TFPI: variants seen among roughly 807,000 people sequenced by gnomAD.
TFPI encodes tissue factor pathway inhibitor.
Under a neutral mutation model 34.6 loss-of-function variants are expected in TFPI, and 15 were observed. The ratio of observed to expected loss-of-function variants is 0.43; its 90% confidence interval spans 0.29 to 0.67. The LOEUF is 0.67. Ranked by LOEUF, TFPI falls within the 30% of genes least tolerant of loss-of-function variation. The pLI, the probability that TFPI is intolerant of heterozygous loss-of-function variation, is 0.15. For missense variants in TFPI, 301 were observed against 364.0 expected, an observed-to-expected ratio of 0.83 and a Z score of 1.41; for synonymous variants, 105 against 120.1, an observed-to-expected ratio of 0.87 and a Z score of 0.82.
At chr2:187,494,079 C>G (rs1574419737) in intron 3 of TFPI, among the ~76,000 whole-genome samples, 1 of 152,012 alleles carries the variant, frequency 6.6e-6, no homozygotes. Context: ...TAGCGGCAGG[C>G]AAAGAGAGAG....
intron 1 of TFPI, among the ~76,000 whole-genome samples, chr2:187,512,545 A>G (rs1044282441): frequency 2.0e-5 from 3 of 151,736 alleles, no homozygotes; most frequent in African/African-American, 7.2e-5. Context: ...CATCTATACC[A>G]ATTCTAAGTT....
chr2:187,522,725 TA>T (rs1687456091), intron 1 of TFPI, among the ~76,000 whole-genome samples: 1 of 37,228 alleles, frequency 2.7e-5, no homozygotes, highest in Non-Finnish European at 5.4e-5. Flanking sequence ...CTACTAAAAA[TA>T]CAAAAAAAAA....
chr2:187,493,282 A>G (rs1333016365), intron 3 of TFPI, among the ~76,000 whole-genome samples: 1 of 152,124 alleles, frequency 6.6e-6, no homozygotes, highest in Non-Finnish European at 1.5e-5. Context: ...CTCTGGCCCT[A>G]GCTCTACGTT....
At chr2:187,528,426 T>TA (rs548160369) in intron 1 of TFPI, among the ~76,000 whole-genome samples, 104 of 152,262 alleles carry the variant, frequency 6.8e-4, no homozygotes, top group Non-Finnish European at 1.1e-3. Flanking sequence ...CAGTTTTTTT[T>TA]AAAAAAAGTC....
intron 2 of TFPI, among the ~76,000 whole-genome samples, chr2:187,500,228 A>G (rs1322723748): frequency 6.6e-6 from 1 of 152,098 alleles, no homozygotes; most frequent in African/African-American, 2.4e-5. Flanking sequence ...GAGTAATTAC[A>G]ATACCCTTGA....
At chr2:187,522,797 A>G (rs1687469262) in intron 1 of TFPI, among the ~76,000 whole-genome samples, 1 of 150,862 alleles carries the variant, frequency 6.6e-6, no homozygotes, top group African/African-American at 2.4e-5. Flanking sequence ...AGGCTGAGGC[A>G]GGAGAATGGC....
Position 187,479,857 on chromosome 2 carries a change from G to T in TFPI, c.628+4267C>A, listed in dbSNP as rs138521934. ...AAATAAACATTTCATAAAAAGCAAT[G>T]AAATTTAATGAATGACTGGAAGAAT... On this transcript the variant is annotated intron_variant, in intron 6 of 7. Coordinates refer to ENST00000233156, the MANE Select transcript of TFPI (RefSeq NM_006287.6). 4.7e-3 allele frequency among the ~76,000 whole-genome samples: 705 copies of T among 151,578 alleles called. 5 individuals are homozygous for T. The highest frequency in any genetic ancestry group is 0.016 in the African/African-American group (681 of 41,386).
intron 1 of TFPI, among the ~76,000 whole-genome samples, chr2:187,504,754 T>C (rs1189194874): frequency 6.6e-6 from 1 of 152,068 alleles, no homozygotes; most frequent in Non-Finnish European, 1.5e-5. Context: ...GAAAGCGAGA[T>C]CTTATCAGCA....
intron 1 of TFPI, chr2:187,517,178 T>G (rs1687068628): frequency 6.6e-6 from 1 of 152,256 alleles, no homozygotes; most frequent in Admixed American, 6.5e-5. Flanking sequence ...ATTTCTTGGC[T>G]TCTGCTAGCT....
chr2:187,489,644 A>G (rs934609592), intron 3 of TFPI, among the ~76,000 whole-genome samples: 2 of 151,602 alleles, frequency 1.3e-5, no homozygotes, highest in African/African-American at 2.4e-5. Flanking sequence ...GACAATAGTC[A>G]TAAGATGGGA....
chr2:187,522,774 C>T (rs1168975087), intron 1 of TFPI, among the ~76,000 whole-genome samples: 2 of 149,590 alleles, frequency 1.3e-5, no homozygotes, highest in African/African-American at 4.9e-5. Context: ...GCCTGTAGTC[C>T]CAACTACTCG....
At chr2:187,478,805 T>G in intron 6 of TFPI, 1 of 1,609,444 alleles carries the variant, frequency 6.2e-7, no homozygotes, top group African/African-American at 1.3e-5. Flanking sequence ...CTTTTGTAAC[T>G]GTGGATCACA....
At chr2:187,540,007 T>C (rs1225070159) in intron 1 of TFPI, among the ~76,000 whole-genome samples, 1 of 151,670 alleles carries the variant, frequency 6.6e-6, no homozygotes, top group Non-Finnish European at 1.5e-5. Context: ...CAAGCAGTTC[T>C]CCTGCCTCAA....
At chr2:187,518,628 C>G (rs1186128489) in intron 1 of TFPI, 3 of 152,238 alleles carry the variant, frequency 2.0e-5, no homozygotes, top group Non-Finnish European at 2.9e-5. Flanking sequence ...TTGGGTTGCT[C>G]TTCTTGAGGA....
At chr2:187,505,962 C>T (rs920621116) in intron 1 of TFPI, among the ~76,000 whole-genome samples, 8 of 151,342 alleles carry the variant, frequency 5.3e-5, no homozygotes, top group African/African-American at 1.9e-4. Context: ...CCACAGCAAG[C>T]CATAGCTAAA....
chr2:187,503,871 A>G, intron 1 of TFPI, 101 bp from the exon 2 acceptor site: 1 of 1,257,950 alleles, frequency 7.9e-7, no homozygotes. Flanking sequence ...GCAAATTTCT[A>G]TGCCATTTTA....
chr2:187,501,070 G>A (rs7565807), intron 2 of TFPI, among the ~76,000 whole-genome samples: 6,247 of 152,200 alleles, frequency 0.041, 190 homozygotes, highest in South Asian at 0.11. Context: ...AGGGGTCAGC[G>A]ATAACTTTCC....
Position 187,467,818 on chromosome 2 carries a change from C to T in TFPI, c.743G>A (p.Ser248Asn), listed in dbSNP as rs767926108. ...VIGKCRPFKY[S>N]GCGGNENNFT... ...ATTGTTTTCATTTCCCCCACATCCA[C>T]TGTACTTAAATGGGCGGCATTTCCC... The change falls in exon 7 of 8, where the codon AGT (serine) becomes AAT (asparagine). Residue 248 changes from serine to asparagine, a missense_variant. Transcript: ENST00000233156. 6.2e-7 allele frequency: 1 copy of T among 1,612,610 alleles called. No homozygotes were observed.
At chr2:187,548,550 T>A (rs953854649) in intron 1 of TFPI, among the ~76,000 whole-genome samples, 1 of 152,108 alleles carries the variant, frequency 6.6e-6, no homozygotes, top group Non-Finnish European at 1.5e-5. Flanking sequence ...GGTCTCCCCA[T>A]GTCTTTTACA....
Sources: allele counts gnomAD v4.1 joint callset (sites outside exome capture counted in the v4.1 genomes callset), GRCh38; gene constraint gnomAD v4.1.1; transcripts MANE v1.5; gene names NCBI Gene and HGNC (gene_info 2026-07-23, HGNC 2026-07-21).